The following THRB variants were observed in gnomAD, a reference collection of about 807,000 sequenced individuals.
THRB encodes the protein nuclear receptor subfamily 1 group A member 2.
In THRB, 12 loss-of-function variants were observed where a neutral mutation model predicts 47.8. The ratio of observed to expected loss-of-function variants is 0.25; its 90% CI spans 0.16 to 0.41. The LOEUF is 0.41. Ranked by LOEUF, THRB falls within the 10% of genes least tolerant of loss-of-function variation. The probability of loss-of-function intolerance (pLI) is 1.00; values close to 1 mark genes in which losing one functional copy is unlikely to be tolerated. For missense variants in THRB, 348 were observed against 589.2 expected, an observed-to-expected ratio of 0.59 and a Z score of 4.24; for synonymous variants, 218 against 212.2, an observed-to-expected ratio of 1.03 and a Z score of -0.24.
intron 1 of THRB, among the ~76,000 whole-genome samples, chr3:24,342,819 A>T (rs1559977298): frequency 6.6e-6 from 1 of 152,200 alleles, no homozygotes; most frequent in Non-Finnish European, 1.5e-5. Flanking sequence ...GGTGGAAATG[A>T]GGGAAAGAAT....
chr3:24,482,538 C>CCTCTCTCTCTCTCTCTCTCTCTCT (rs10575358), intron 1 of THRB, among the ~76,000 whole-genome samples: 1 of 130,916 alleles, frequency 7.6e-6, no homozygotes, highest in African/African-American at 3.0e-5. Context: ...TTTCTGTCTC[C>CCTCTCTCTCTCTCTCTCTCTCTCT]CTCTCTCTCT....
chr3:24,166,469 T>A (rs2039658489), intron 5 of THRB, among the ~76,000 whole-genome samples: 1 of 152,198 alleles, frequency 6.6e-6, no homozygotes, highest in African/African-American at 2.4e-5. Context: ...AAGATAGTGA[T>A]CAAAAAGGGA....
chr3:24,166,403 TTTGAGA>T (rs1448931799), intron 5 of THRB, among the ~76,000 whole-genome samples: 2 of 152,106 alleles, frequency 1.3e-5, no homozygotes, highest in African/African-American at 4.8e-5. Context: ...CAAATCTGCT[TTTGAGA>T]TTATTTTCAA....
intron 1 of THRB, among the ~76,000 whole-genome samples, chr3:24,375,300 TATA>T: frequency 6.8e-6 from 1 of 147,662 alleles, no homozygotes; most frequent in East Asian, 2.0e-4. Flanking sequence ...TGTTTAGAAA[TATA>T]ATATTAATAT....
intron 1 of THRB, among the ~76,000 whole-genome samples, chr3:24,361,732 C>A (rs1228430999): frequency 6.6e-6 from 1 of 152,100 alleles, no homozygotes; most frequent in African/African-American, 2.4e-5. Context: ...TTTGCCAGAG[C>A]TAATAAACAG....
chr3:24,129,959 A>T (rs2148860388), intron 9 of THRB, among the ~76,000 whole-genome samples: 1 of 152,328 alleles, frequency 6.6e-6, no homozygotes, highest in Non-Finnish European at 1.5e-5. Flanking sequence ...AGCAGATGTG[A>T]TAAACTGCCT....
chr3:24,205,849 T>A (rs1336502652), intron 4 of THRB, among the ~76,000 whole-genome samples: 6 of 152,102 alleles, frequency 3.9e-5, no homozygotes, highest in Admixed American at 6.5e-5. Flanking sequence ...GAGGTTGCAA[T>A]CCTAGTCTCC....
At chr3:24,235,963 C>G (rs980497018) in intron 3 of THRB, among the ~76,000 whole-genome samples, 1 of 152,158 alleles carries the variant, frequency 6.6e-6, no homozygotes, top group Non-Finnish European at 1.5e-5. Flanking sequence ...CTGAACCCCT[C>G]ACCCCACCCT....
At chr3:24,196,599 A>C (rs922705485) in intron 4 of THRB, among the ~76,000 whole-genome samples, 44 of 151,732 alleles carry the variant, frequency 2.9e-4, no homozygotes, top group African/African-American at 5.3e-4. Flanking sequence ...CCCCCACCCC[A>C]AAAAAAAGAA....
chr3:24,131,938 T>G (rs989685420), intron 9 of THRB, among the ~76,000 whole-genome samples: 3 of 152,218 alleles, frequency 2.0e-5, no homozygotes, highest in Non-Finnish European at 4.4e-5. Context: ...AAACGTGCTC[T>G]CTCAGGTAGG....
intron 1 of THRB, among the ~76,000 whole-genome samples, chr3:24,454,373 G>A (rs754958681): frequency 9.9e-5 from 15 of 152,130 alleles, no homozygotes; most frequent in Non-Finnish European, 1.2e-4. Flanking sequence ...AGGGAATGAG[G>A]AGCAAGTGTT....
intron 1 of THRB, among the ~76,000 whole-genome samples, chr3:24,375,748 C>A (rs1367210354): frequency 6.6e-6 from 1 of 151,928 alleles, no homozygotes; most frequent in Non-Finnish European, 1.5e-5. Flanking sequence ...TACAGACAGG[C>A]AACCTCAAGC....
chr3:24,367,830 G>A (rs953984213), intron 1 of THRB, among the ~76,000 whole-genome samples: 81 of 152,126 alleles, frequency 5.3e-4, no homozygotes, highest in African/African-American at 1.9e-3. Context: ...AACACAAAGA[G>A]TAAGTGGTGA....
chr3:24,310,179 TG>T (rs1265152338), intron 2 of THRB, among the ~76,000 whole-genome samples: 5 of 152,246 alleles, frequency 3.3e-5, no homozygotes, highest in African/African-American at 1.2e-4. Context: ...TACTACTTAC[TG>T]TTTAATCTTT....
intron 1 of THRB, among the ~76,000 whole-genome samples, chr3:24,426,134 T>C (rs931077206): frequency 6.6e-6 from 1 of 151,986 alleles, no homozygotes; most frequent in Non-Finnish European, 1.5e-5. Context: ...CTATCCATGA[T>C]ACCTGTTCAC....
At chr3:24,347,274 CA>C (rs1222839182) in intron 1 of THRB, among the ~76,000 whole-genome samples, 4 of 151,710 alleles carry the variant, frequency 2.6e-5, no homozygotes, top group Admixed American at 6.6e-5. Flanking sequence ...TACTTAAATG[CA>C]TGTATCAGAA....
Position 24,286,429 on chromosome 3 carries a change from G to A in THRB, c.-43+10797C>T, listed in dbSNP as rs149078987. On this transcript the variant is annotated intron_variant, in intron 3 of 10. Transcript: ENST00000646209. Reference sequence around the variant, plus strand: ...CCCAGACATGCTCCATTTCTTCACCGTTCAACCCTGTCACCATCATTGGCT... The same window carrying A: ...CCCAGACATGCTCCATTTCTTCACCATTCAACCCTGTCACCATCATTGGCT... Among the ~76,000 whole-genome samples the A allele has an allele frequency of 4.9e-3, 747 of 152,248 alleles. 7 individuals carry two copies. Among genetic ancestry groups the A allele is most frequent in the African/African-American group, 0.017 (703 of 41,536 alleles).
At chr3:24,481,086 A>G (rs1408526336) in intron 1 of THRB, among the ~76,000 whole-genome samples, 2 of 152,188 alleles carry the variant, frequency 1.3e-5, no homozygotes, top group African/African-American at 2.4e-5. Context: ...AAGTTTCCTT[A>G]CAAATCATCA....
chr3:24,264,106 A>T (rs771627537), intron 3 of THRB, among the ~76,000 whole-genome samples: 13 of 152,192 alleles, frequency 8.5e-5, no homozygotes, highest in Non-Finnish European at 1.5e-4. Flanking sequence ...GGTAAAAACC[A>T]AGTTCCCCAT....
Sources: gnomAD v4.1 joint callset for allele counts (sites outside exome capture counted in the v4.1 genomes callset) on GRCh38, gnomAD v4.1.1 for gene constraint, MANE v1.5 for transcripts, NCBI Gene and HGNC (gene_info 2026-07-23, HGNC 2026-07-21) for gene names.